CLEC12A: variants seen among roughly 807,000 people sequenced by gnomAD.
CLEC12A encodes C-type lectin protein CLL-1.
Under a neutral mutation model 26.5 loss-of-function variants are expected in CLEC12A, and 22 were observed. That is an observed-to-expected ratio of 0.83 (90% CI 0.59 to 1.19). CLEC12A has a LOEUF of 1.19. Among genes scored for constraint, CLEC12A ranks in the 50% most tolerant of loss-of-function variants. The pLI is 0.00. For missense variants in CLEC12A, 353 were observed against 315.6 expected (o/e 1.12, Z -0.90); for synonymous variants, 119 against 101.9 (o/e 1.17, Z -1.01).
At chr12:9,993,584 C>T (rs370397076) in intron 4 of CLEC12A, among the ~76,000 whole-genome samples, 33 of 151,996 alleles carry the variant, frequency 2.2e-4, no homozygotes, top group African/African-American at 7.5e-4. Context: ...AATGGGAAAA[C>T]GCATTATCTA....
chr12:9,992,421 T>A (rs1864913429), intron 4 of CLEC12A: 1 of 152,140 alleles, frequency 6.6e-6, no homozygotes, highest in Admixed American at 6.6e-5. Flanking sequence ...ATTTTTCTCA[T>A]GAACTATCTT....
At chr12:9,991,110 G>C (rs1864883186) in intron 4 of CLEC12A, 1 of 152,070 alleles carries the variant, frequency 6.6e-6, no homozygotes, top group Non-Finnish European at 1.5e-5. Flanking sequence ...TTGCTTTATT[G>C]TGGTGGTCTG....
chr12:9,993,918 A>G (rs1864963086), intron 4 of CLEC12A, among the ~76,000 whole-genome samples: 1 of 152,160 alleles, frequency 6.6e-6, no homozygotes, highest in African/African-American at 2.4e-5. Flanking sequence ...TGCTGAGGAT[A>G]CACTGATAAA....
Position 9,979,016 on chromosome 12 carries a change from C to T in CLEC12A, c.142C>T (p.Leu48Phe). 1.2e-6 allele frequency: 2 copies of T among 1,613,958 alleles called. No individual in the cohort carries two copies. The highest frequency in any genetic ancestry group is 1.7e-6 in the Non-Finnish European group (2 of 1,179,870). Reference sequence around the variant, plus strand: ...GCGTCCAGCAGCCTTGTTTCTGACTCTTCTGTGCCTTCTGTTGCTCATTGG... The same window carrying T: ...GCGTCCAGCAGCCTTGTTTCTGACTTTTCTGTGCCTTCTGTTGCTCATTGG... ...VWRPAALFLT[L>F]LCLLLLIGLG... Residue 48 changes from leucine (L) to phenylalanine (F), a missense_variant, in exon 2 of 6, where the codon CTT becomes TTT. By Grantham distance (22) the Leu-to-Phe change is conservative (BLOSUM62 0). Coordinates refer to ENST00000304361, the MANE Select transcript of CLEC12A (RefSeq NM_138337.6).
At chr12:9,999,015 T>A (rs767131524), downstream of CLEC12A, 2 of 1,398,596 alleles carry the variant, frequency 1.4e-6, no homozygotes, top group Non-Finnish European at 1.0e-6. Flanking sequence ...ATTTCCAAAT[T>A]ATTGGCTCTG....
At chr12:9,956,738 G>A (rs1247804456) in intron 1 of CLEC12A, among the ~76,000 whole-genome samples, 1 of 152,202 alleles carries the variant, frequency 6.6e-6, no homozygotes, top group Non-Finnish European at 1.5e-5. Flanking sequence ...TGGTCCTACT[G>A]TGATTTGCCT....
upstream of CLEC12A, among the ~76,000 whole-genome samples, chr12:9,969,487 C>T (rs1388767172): frequency 6.6e-6 from 1 of 152,180 alleles, no homozygotes; most frequent in Non-Finnish European, 1.5e-5. Flanking sequence ...TTAGCTGGCT[C>T]TAAACCAAGG....
At chr12:9,990,000 G>C (rs1190221428), downstream of CLEC12A, among the ~76,000 whole-genome samples, 1 of 151,976 alleles carries the variant, frequency 6.6e-6, no homozygotes, top group African/African-American at 2.4e-5. Context: ...ATTGTTTACT[G>C]AGTATTTTAA....
At chr12:9,952,159 CTCTCCCTCTCCG>C (rs1863624835) in intron 1 of CLEC12A, 4 of 116,550 alleles carry the variant, frequency 3.4e-5, no homozygotes, top group Admixed American at 9.0e-5. Context: ...CTCCCTCTCC[CTCTCCCTCTCCG>C]TCTCCCTCTC....
At chr12:9,981,955 C>T (rs2137193875) in intron 4 of CLEC12A, 65 bp from the exon 5 acceptor site, 1 of 777,434 alleles carries the variant, frequency 1.3e-6, no homozygotes, top group Non-Finnish European at 2.1e-6. Context: ...TAAGAAATTA[C>T]ATTATAATGT....
intron 1 of CLEC12A, chr12:9,952,065 T>C (rs1863620001): frequency 6.9e-6 from 1 of 145,432 alleles, no homozygotes; most frequent in African/African-American, 2.5e-5. Context: ...CCTTTAAAAA[T>C]CAAACTGTCA....
At chr12:9,977,519 A>G (rs1313606902) in intron 1 of CLEC12A, among the ~76,000 whole-genome samples, 1 of 152,220 alleles carries the variant, frequency 6.6e-6, no homozygotes, top group Non-Finnish European at 1.5e-5. Flanking sequence ...TTTTTCAAAT[A>G]GAAATCTTTT....
chr12:9,951,725 G>T (rs768949411), intron 1 of CLEC12A: 143 of 290,696 alleles, frequency 4.9e-4, no homozygotes, highest in Non-Finnish European at 4.0e-4. Context: ...TTGTTTGTGT[G>T]TTGATGTAGT....
At chr12:9,998,433 G>A, downstream of CLEC12A, 2 of 1,396,160 alleles carry the variant, frequency 1.4e-6, no homozygotes, top group South Asian at 1.1e-5. Context: ...GTTAGCTATG[G>A]GGAAGGCTCA....
chr12:10,005,497 T>G, the CLEC12A span, among the ~76,000 whole-genome samples: 1 of 152,238 alleles, frequency 6.6e-6, no homozygotes, highest in Non-Finnish European at 1.5e-5. Context: ...TTTATTGCTC[T>G]TTCTATATGC....
intron 4 of CLEC12A, chr12:9,991,143 G>A (rs530916183): frequency 7.9e-5 from 12 of 152,196 alleles, no homozygotes; most frequent in East Asian, 1.9e-4. Flanking sequence ...CAATATTTCC[G>A]AGGCATGCCT....
chr12:9,976,829 G>A (rs1348916873), intron 1 of CLEC12A, among the ~76,000 whole-genome samples: 2 of 152,062 alleles, frequency 1.3e-5, no homozygotes, highest in Non-Finnish European at 2.9e-5. Flanking sequence ...ATATGGTAGG[G>A]GTGTTTCTCG....
downstream of CLEC12A, among the ~76,000 whole-genome samples, chr12:9,989,365 AT>A (rs1864843748): frequency 5.0e-5 from 1 of 20,038 alleles, no homozygotes. Context: ...AAGTATAATA[AT>A]AAAAAAAAAG....
chr12:9,989,488 C>T (rs888841287), downstream of CLEC12A, among the ~76,000 whole-genome samples: 5 of 152,168 alleles, frequency 3.3e-5, no homozygotes, highest in Admixed American at 6.5e-5. Flanking sequence ...CCAATCACAA[C>T]GTTCTCTTAA....
Sources: gnomAD v4.1 joint callset for allele counts (sites outside exome capture counted in the v4.1 genomes callset) on GRCh38, gnomAD v4.1.1 for gene constraint, MANE v1.5 for transcripts, NCBI Gene and HGNC (gene_info 2026-07-23, HGNC 2026-07-21) for gene names.